Variants in PLCE1 observed in about 807,000 individuals in gnomAD.
The protein encoded by PLCE1 is phospholipase C epsilon 1, also known as 1-phosphatidylinositol 4,5-bisphosphate phosphodiesterase epsilon-1.
A neutral mutation model predicts 242.8 loss-of-function variants in PLCE1; 119 were observed. The observed-to-expected ratio is 0.49, with a 90% CI of 0.42 to 0.57. The LOEUF (loss-of-function observed/expected upper bound fraction) is 0.57, where lower values mean the gene tolerates loss of function less well. Among genes scored for constraint, PLCE1 ranks in the 20% least tolerant of loss-of-function variants. PLCE1 has a pLI of 0.00. For synonymous variants in PLCE1, 945 were observed against 1,017.4 expected (o/e 0.93, Z 1.35); for missense variants, 2,441 against 2,788.8 (o/e 0.88, Z 2.81).
rs1387669948 is a variant in PLCE1 at position 94,255,015 on chromosome 10, C to T, written c.3520C>T (p.Pro1174Ser). ...ATCTCCCATCAGGCCAGTGTCCTCC[C>T]CTGTGCTGTCTTCTTCAAACAAGAG... Reference protein sequence around the residue: ...TSSPIRPVSSPVLSSSNKSPS... With the variant: ...TSSPIRPVSSSVLSSSNKSPS... The change falls in exon 11 of 33, where the codon CCT becomes TCT. Residue 1174 changes from proline (P) to serine (S), a missense_variant. Around this residue, in one of 5 missense-constraint regions of PLCE1, gnomAD observed 1,004 missense variants for 1,322.7 expected, o/e 0.76. Coordinates refer to ENST00000371380, the MANE Select transcript of PLCE1 (RefSeq NM_016341.4). 6.2e-7 allele frequency: 1 copy of T among 1,614,154 alleles called. No homozygotes were observed. Among genetic ancestry groups the T allele is most frequent in the Non-Finnish European group, 8.5e-7 (1 of 1,180,014 alleles).
chr10:94,327,495 A>AACTT (rs2054069830), intron 32 of PLCE1, among the ~76,000 whole-genome samples: 1 of 152,226 alleles, frequency 6.6e-6, no homozygotes, highest in Non-Finnish European at 1.5e-5. Flanking sequence ...GAATTGCTTG[A>AACTT]ACTTTGGAGG....
intron 2 of PLCE1, among the ~76,000 whole-genome samples, chr10:94,056,311 A>G (rs1189377568): frequency 6.6e-6 from 1 of 152,230 alleles, no homozygotes; most frequent in African/African-American, 2.4e-5. Context: ...AAGAGCCCCT[A>G]GAATTTATGA....
chr10:94,076,105 GTGTGTGTGTT>G (rs1436581660), intron 2 of PLCE1, among the ~76,000 whole-genome samples: 1 of 136,972 alleles, frequency 7.3e-6, no homozygotes, highest in Non-Finnish European at 1.5e-5. Flanking sequence ...CATTGGCCCT[GTGTGTGTGTT>G]TGTGTGTGTG....
intron 2 of PLCE1, among the ~76,000 whole-genome samples, chr10:94,059,036 C>T (rs2043978324): frequency 6.6e-6 from 1 of 152,036 alleles, no homozygotes; most frequent in Non-Finnish European, 1.5e-5. Flanking sequence ...GTGTATGTTC[C>T]TATATGTCAG....
At chr10:94,296,404 C>A (rs1241331243) in intron 23 of PLCE1, among the ~76,000 whole-genome samples, 1 of 151,898 alleles carries the variant, frequency 6.6e-6, no homozygotes, top group African/African-American at 2.4e-5. Context: ...TTTAATGTAG[C>A]CACCTTCATC....
At chr10:94,321,880 A>AT (rs765601189) in intron 29 of PLCE1, 21 bp from the exon 30 acceptor site, 1 of 1,588,040 alleles carries the variant, frequency 6.3e-7, no homozygotes, top group Admixed American at 1.7e-5. Context: ...ATTTACTCAC[A>AT]TTTTTTCTTT....
intron 3 of PLCE1, 39 bp downstream of exon 3, chr10:94,132,498 A>C (rs1183494456): frequency 4.4e-6 from 7 of 1,574,944 alleles, no homozygotes; most frequent in African/African-American, 1.3e-5. Context: ...TCTATCTTTG[A>C]CTACAGAGAA....
At chr10:94,324,785 C>A in intron 31 of PLCE1, 107 bp from the exon 32 acceptor site, 1 of 1,205,090 alleles carries the variant, frequency 8.3e-7, no homozygotes, top group Non-Finnish European at 1.2e-6. Flanking sequence ...GCCCTACTCT[C>A]TCCAAAGCTC....
Position 94,254,996 on chromosome 10 carries a change from C to T in PLCE1, c.3501C>T (p.Pro1167=), listed in dbSNP as rs1483120820. 1.2e-6 allele frequency: 2 copies of T among 1,614,050 alleles called. No individual in the cohort carries two copies. The highest frequency in any genetic ancestry group is 1.7e-5 in the Admixed American group (1 of 60,006). The part of the protein sequence containing the change: ...SPNLAAGTSS[P]IRPVSSPVLS... Reference sequence around the variant, plus strand: ...ACTTGGCTGCCGGGACGTCATCTCCCATCAGGCCAGTGTCCTCCCCTGTGC... The same window carrying T: ...ACTTGGCTGCCGGGACGTCATCTCCTATCAGGCCAGTGTCCTCCCCTGTGC... Residue 1167 remains proline (P), a synonymous_variant, in exon 11 of 33, where the codon CCC becomes CCT. Transcript: ENST00000371380.
intron 4 of PLCE1, among the ~76,000 whole-genome samples, chr10:94,198,595 G>T (rs75167176): frequency 0.023 from 3,438 of 152,294 alleles, 107 homozygotes; most frequent in African/African-American, 0.072. Context: ...CATCCCAAAA[G>T]TTCCTTTTGC....
chr10:94,184,251 C>G (rs980538965), intron 4 of PLCE1, among the ~76,000 whole-genome samples: 44 of 152,194 alleles, frequency 2.9e-4, no homozygotes, highest in Non-Finnish European at 1.8e-4. Context: ...CAACGGCCCC[C>G]CTTTGCGTTT....
intron 2 of PLCE1, among the ~76,000 whole-genome samples, chr10:94,090,690 C>T (rs997923904): frequency 2.0e-5 from 3 of 152,274 alleles, no homozygotes; most frequent in African/African-American, 7.2e-5. Flanking sequence ...TTGAGTGGGA[C>T]GAGGTCTATG....
At chr10:94,069,846 C>T (rs538449226) in intron 2 of PLCE1, among the ~76,000 whole-genome samples, 25 of 152,188 alleles carry the variant, frequency 1.6e-4, no homozygotes, top group Admixed American at 1.3e-3. Flanking sequence ...TTAAGGAGTG[C>T]GTCTTCTGAG....
rs112976494 is a variant in PLCE1 at position 94,273,931 on chromosome 10, C to T, written c.4665+211C>T. On this transcript the variant is annotated intron_variant, in intron 19 of 32. Transcript: ENST00000371380. ...CCAAGATTTAATTTGTGGAATAGTTCCCACATAGAATATACCTCCGTTATT... is the reference window on the plus strand; with the variant it reads ...CCAAGATTTAATTTGTGGAATAGTTTCCACATAGAATATACCTCCGTTATT... Among the ~76,000 whole-genome samples the T allele has an allele frequency of 8.5e-5, 13 of 152,308 alleles. No individual in the cohort carries two copies. The East Asian group carries it at 2.3e-3, about 27-fold the overall frequency.
chr10:94,034,637 G>A (rs1451805345), intron 2 of PLCE1, among the ~76,000 whole-genome samples: 3 of 152,068 alleles, frequency 2.0e-5, no homozygotes, highest in African/African-American at 4.8e-5. Context: ...TGATGCTCAC[G>A]GTATCTCAGA....
intron 2 of PLCE1, among the ~76,000 whole-genome samples, chr10:94,062,189 G>C (rs1362733680): frequency 6.6e-6 from 1 of 152,214 alleles, no homozygotes; most frequent in Admixed American, 6.5e-5. Context: ...GCTTGAATTT[G>C]TGTCCTAGCT....
chr10:94,313,724 A>G (rs759983696), intron 28 of PLCE1, among the ~76,000 whole-genome samples: 14 of 152,026 alleles, frequency 9.2e-5, no homozygotes, highest in Non-Finnish European at 1.8e-4. Context: ...AAGCCTAGAC[A>G]TGGCCTAATC....
At chr10:94,056,518 T>C (rs965690968) in intron 2 of PLCE1, among the ~76,000 whole-genome samples, 3 of 152,156 alleles carry the variant, frequency 2.0e-5, no homozygotes, top group African/African-American at 7.2e-5. Context: ...GGATGCCTAG[T>C]GTTAATATTT....
chr10:94,071,506 T>TTTTGTTTGTTTTTTTTTTTTG (rs2044358335), intron 2 of PLCE1, among the ~76,000 whole-genome samples: 1 of 137,026 alleles, frequency 7.3e-6, no homozygotes, highest in African/African-American at 2.9e-5. Flanking sequence ...TTTTTTTTTT[T>TTTTGTTTGTTTTTTTTTTTTG]TTTTTTTTTT....
Sources: allele counts gnomAD v4.1 joint callset (sites outside exome capture counted in the v4.1 genomes callset), GRCh38; gene constraint gnomAD v4.1.1; regional missense constraint gnomAD v4.1.1; transcripts MANE v1.5; gene names NCBI Gene and HGNC (gene_info 2026-07-23, HGNC 2026-07-21).